ELF1: variants seen among roughly 807,000 people sequenced by gnomAD.
ELF1 encodes E74 like ETS transcription factor 1, also known as ETS-related transcription factor Elf-1.
ELF1 carries 24 observed loss-of-function variants against 59.9 expected under a neutral mutation model. The ratio of observed to expected loss-of-function variants is 0.40; its 90% CI spans 0.29 to 0.56. The LOEUF (loss-of-function observed/expected upper bound fraction) is 0.56. Among genes scored for constraint, ELF1 ranks in the 20% least tolerant of loss-of-function variants. ELF1 has a pLI of 0.44. For missense variants in ELF1, 627 were observed against 742.2 expected, an observed-to-expected ratio of 0.84 and a Z score of 1.80; for synonymous variants, 248 against 266.2, an observed-to-expected ratio of 0.93 and a Z score of 0.67.
Position 41,042,612 on chromosome 13 carries a change from T to C in ELF1, c.-229+18226A>G, listed in dbSNP as rs557676251. The stretch of plus-strand genomic sequence containing the variant: ...CTGAGAATGATGGTTTCCAGCTTCA[T>C]CCATGTCCCTACAAAGGACATGAAC... On this transcript the variant is annotated intron_variant, in intron 1 of 1. Transcript: ENST00000405737. Among the ~76,000 whole-genome samples the C allele has an allele frequency of 8.5e-5, 13 of 152,318 alleles. No homozygotes were observed. In the South Asian group the frequency reaches 2.5e-3, roughly 29 times the overall value.
At chr13:41,060,220 C>T (rs575571029) in intron 1 of ELF1, among the ~76,000 whole-genome samples, 14 of 152,316 alleles carry the variant, frequency 9.2e-5, no homozygotes, top group African/African-American at 3.4e-4. Context: ...GGAAGGCACA[C>T]TGTGTTCCGT....
chr13:41,024,269 C>T (rs996784965), upstream of ELF1, among the ~76,000 whole-genome samples: 1 of 152,056 alleles, frequency 6.6e-6, no homozygotes, highest in African/African-American at 2.4e-5. Context: ...GGAGGTCAGG[C>T]TTATGAGAAC....
upstream of ELF1, among the ~76,000 whole-genome samples, chr13:41,020,681 ATG>A (rs1251704049): frequency 6.6e-6 from 1 of 152,220 alleles, no homozygotes; most frequent in African/African-American, 2.4e-5. Context: ...CTCCTGTCAA[ATG>A]TCATATTTAG....
At chr13:40,959,206 A>T (rs1237454166) in intron 2 of ELF1, among the ~76,000 whole-genome samples, 190 bp from the exon 3 acceptor site, 3 of 152,150 alleles carry the variant, frequency 2.0e-5, no homozygotes, top group African/African-American at 7.2e-5. Context: ...ATTAAAATTT[A>T]AAAATGAAGG....
intron 8 of ELF1, among the ~76,000 whole-genome samples, chr13:40,936,920 C>G (rs1869823297): frequency 6.6e-6 from 1 of 152,132 alleles, no homozygotes; most frequent in South Asian, 2.1e-4. Flanking sequence ...TGCCACTGCA[C>G]TCCAGCCTGG....
chr13:40,953,053 C>T (rs908216564), intron 3 of ELF1, among the ~76,000 whole-genome samples: 28 of 151,240 alleles, frequency 1.9e-4, no homozygotes, highest in African/African-American at 5.6e-4. Context: ...CTTGGCTCAC[C>T]GCAACCTCTG....
chr13:41,033,753 T>C (rs6560969), intron 1 of ELF1, among the ~76,000 whole-genome samples: 1 of 152,138 alleles, frequency 6.6e-6, no homozygotes, highest in African/African-American at 2.4e-5. Flanking sequence ...CCAACTTCTG[T>C]GGAAAAATTG....
At chr13:40,997,574 T>G (rs1215184220) in intron 1 of ELF1, among the ~76,000 whole-genome samples, 1 of 151,972 alleles carries the variant, frequency 6.6e-6, no homozygotes, top group Admixed American at 6.6e-5. Context: ...TCTTTTTTTT[T>G]AAGAGATGGA....
chr13:40,976,814 G>A (rs1872936196), intron 2 of ELF1, among the ~76,000 whole-genome samples: 1 of 152,048 alleles, frequency 6.6e-6, no homozygotes, highest in Non-Finnish European at 1.5e-5. Flanking sequence ...CAAAGTGCTG[G>A]GATTACAGGC....
chr13:41,019,314 A>C lies in ELF1; in HGVS notation c.-315T>G. The stretch of plus-strand genomic sequence containing the variant: ...TTAGCTGTTAAAATGGCTCCTGTAG[A>C]TTGGGGAAGTGGTGTCTGTGCTTCA... On this transcript the variant is annotated 5_prime_UTR_variant, in exon 1 of 9. Transcript: ENST00000239882. The C allele has an allele frequency of 1.0e-6, 1 of 985,388 alleles. No homozygotes were observed. The highest frequency in any genetic ancestry group is 1.2e-6 in the Non-Finnish European group (1 of 829,920). The allele number at this position is 985,388 out of a possible 1,614,324, so 61.0% of individuals were successfully genotyped here.
rs569867561 is a variant in ELF1, at chr13:41,003,171, G to A, written c.-229+16057C>T. 7.2e-5 allele frequency among the ~76,000 whole-genome samples: 11 copies of A among 152,130 alleles called. No individual in the cohort carries two copies. The South Asian group carries it at 1.2e-3, about 17-fold the overall frequency. ...CTTCACTGACTATTGTCAAAGTGAC[G>A]TACATATATGTATTTTTCTGATCCA... On this transcript the variant is annotated intron_variant, in intron 1 of 8. Coordinates refer to ENST00000239882, the MANE Select transcript of ELF1 (RefSeq NM_172373.4).
At chr13:41,047,866 G>A (rs1876923538) in intron 1 of ELF1, among the ~76,000 whole-genome samples, 2 of 152,188 alleles carry the variant, frequency 1.3e-5, no homozygotes, top group Non-Finnish European at 2.9e-5. Flanking sequence ...GCTATGCCCT[G>A]CCCCCAGAGG....
chr13:40,948,619 T>C (rs1695011985), intron 5 of ELF1, among the ~76,000 whole-genome samples: 1 of 152,190 alleles, frequency 6.6e-6, no homozygotes, highest in Non-Finnish European at 1.5e-5. Context: ...GACATTATAC[T>C]CAAAATACTA....
At chr13:41,021,800 T>C (rs1875701647), upstream of ELF1, among the ~76,000 whole-genome samples, 1 of 152,164 alleles carries the variant, frequency 6.6e-6, no homozygotes, top group Admixed American at 6.5e-5. Context: ...AAAGAAGTCA[T>C]ACAGATGGCA....
At chr13:40,969,454 A>G (rs1190899506) in intron 2 of ELF1, among the ~76,000 whole-genome samples, 3 of 152,202 alleles carry the variant, frequency 2.0e-5, no homozygotes, top group Non-Finnish European at 4.4e-5. Context: ...TACTTGTAAA[A>G]TGGGGATAAC....
At chr13:40,991,474 A>C (rs1448354945) in intron 1 of ELF1, among the ~76,000 whole-genome samples, 2 of 152,086 alleles carry the variant, frequency 1.3e-5, no homozygotes, top group African/African-American at 4.8e-5. Flanking sequence ...TCAGGGTCTC[A>C]CTTTGTTGCA....
At chr13:40,941,434 AT>A in intron 7 of ELF1, 64 bp from the exon 8 acceptor site, 1 of 1,429,636 alleles carries the variant, frequency 7.0e-7, no homozygotes, top group Non-Finnish European at 9.4e-7. Context: ...ACAAAATCAA[AT>A]TTCCCTAATC....
intron 1 of ELF1, among the ~76,000 whole-genome samples, chr13:41,044,170 T>A (rs1159530648): frequency 6.6e-6 from 1 of 152,250 alleles, no homozygotes; most frequent in Non-Finnish European, 1.5e-5. Context: ...TTGCTAAAGT[T>A]GCTTATCAGC....
intron 1 of ELF1, among the ~76,000 whole-genome samples, chr13:41,028,764 C>G (rs1044363062): frequency 3.9e-5 from 6 of 152,124 alleles, no homozygotes; most frequent in Admixed American, 2.6e-4. Flanking sequence ...GACAGAGTCT[C>G]ACTCTGTTGC....
Sources: allele counts gnomAD v4.1 joint callset (sites outside exome capture counted in the v4.1 genomes callset), GRCh38; gene constraint gnomAD v4.1.1; transcripts MANE v1.5; gene names NCBI Gene and HGNC (gene_info 2026-07-23, HGNC 2026-07-21).